Variants in DGCR8 observed in about 807,000 individuals in gnomAD.
The protein encoded by DGCR8 is DGCR8 microprocessor complex subunit.
DGCR8 carries 14 observed loss-of-function variants against 78.5 expected under a neutral mutation model. The ratio of observed to expected loss-of-function variants is 0.18; its 90% CI spans 0.12 to 0.28. The LOEUF (loss-of-function observed/expected upper bound fraction) is 0.28. Ranked by LOEUF, DGCR8 falls within the 10% of genes least tolerant of loss-of-function variation. The pLI is 1.00. For missense variants in DGCR8, 702 were observed against 1,022.5 expected (o/e 0.69, Z 4.28); for synonymous variants, 399 against 402.4 (o/e 0.99, Z 0.10).
chr22:20,080,598 C>T (rs1459768091), intron 1 of DGCR8: 4 of 596,228 alleles, frequency 6.7e-6, no homozygotes, highest in Non-Finnish European at 8.4e-6. Context: ...CGGGCCCAGG[C>T]GTTGCCGACT....
In DGCR8 at chr22:20,110,275, A is replaced by G. The variant is rs1602500691; in HGVS notation, c.*167A>G. 4 of 635,016 alleles carry G rather than the reference A, an allele frequency of 6.3e-6. No individual in the cohort carries two copies. The highest frequency in any genetic ancestry group is 1.1e-5 in the Non-Finnish European group (4 of 368,198). 39.3% of individuals were successfully genotyped at this position (635,016 alleles called of 1,614,324 possible). On this transcript the variant is annotated 3_prime_UTR_variant, in exon 14 of 14. Transcript: ENST00000351989. ...GAGGCTTTAGTGTACAGGGACAGCC[A>G]TGGCCACACAGCACACATGTGGAGC...
At chr22:20,091,147 C>T (rs188088430) in intron 5 of DGCR8, among the ~76,000 whole-genome samples, 75 of 152,330 alleles carry the variant, frequency 4.9e-4, no homozygotes, top group Middle Eastern at 3.4e-3. Context: ...GAGGAAGTCC[C>T]GAAGGCCATC....
intron 1 of DGCR8, among the ~76,000 whole-genome samples, chr22:20,081,191 C>A (rs2049414156): frequency 6.6e-6 from 1 of 152,208 alleles, no homozygotes; most frequent in Non-Finnish European, 1.5e-5. Flanking sequence ...CGGATGAGGT[C>A]ATACTGCCGC....
At chr22:20,101,209 T>A (rs1393852192) in intron 9 of DGCR8, 2 of 985,280 alleles carry the variant, frequency 2.0e-6, no homozygotes, top group Non-Finnish European at 2.4e-6. Flanking sequence ...GTTTTTATGA[T>A]GCCATGCCTT....
chr22:20,108,039 A>T (rs995221143), intron 12 of DGCR8: 1 of 154,104 alleles, frequency 6.5e-6, no homozygotes, highest in Non-Finnish European at 1.4e-5. Flanking sequence ...GGGCAGCCCT[A>T]GGACTGTGTG....
In DGCR8 at chr22:20,108,885, C is replaced by G; in HGVS notation, c.2125-5C>G. The G allele has an allele frequency of 2.6e-6, 4 of 1,520,500 alleles. No individual in the cohort carries two copies. The highest frequency in any genetic ancestry group is 3.6e-6 in the Non-Finnish European group (4 of 1,096,520). The allele number at this position is 1,520,500 out of a possible 1,614,324, so 94.2% of individuals were successfully genotyped here. ...GTCCTGAGCGTGAGGTGCTATACTT[C>G]CCAGGAGACATCGGACAAGAGTGTG... On this transcript the variant is annotated splice_region_variant and splice_polypyrimidine_tract_variant and intron_variant, in intron 12 of 13. Transcript: ENST00000351989.
chr22:20,106,516 C>G, intron 10 of DGCR8, 76 bp from the exon 11 acceptor site: 1 of 1,129,502 alleles, frequency 8.9e-7, no homozygotes, highest in Non-Finnish European at 1.3e-6. Context: ...CTAAGGGCTT[C>G]CCAGAGCAGG....
chr22:20,087,075 T>G lies in DGCR8; in HGVS notation c.721-87T>G, dbSNP rs1358651585. The G allele has an allele frequency of 6.7e-7, 1 of 1,502,944 alleles. No homozygotes were observed. Among genetic ancestry groups the G allele is most frequent in the Non-Finnish European group, 9.0e-7 (1 of 1,114,638 alleles). 93.1% of individuals were successfully genotyped at this position (1,502,944 alleles called of 1,614,324 possible). A position where few individuals can be genotyped will look rare whatever the true frequency, so the allele number is the denominator to read the frequency against. The stretch of plus-strand genomic sequence containing the variant: ...GCCCCCTGAGAGCACCTCCTTTCTG[T>G]GTCTGTTCTCAGGAATGCTGTTGAG... On this transcript the variant is annotated intron_variant, in intron 2 of 13. Transcript: ENST00000351989. This position sits in a 1 kb window ranked among gnomAD's most constrained non-coding sequence, Gnocchi z 4.1.
At position 20,085,140 on chromosome 22, in the gene DGCR8, C is replaced by A; in HGVS notation, c.-277-547C>A. ...CTGCATCACTGTCCCCGTCCACGTG[C>A]TACCCTGTGGGCCCAGGAGAGCCCT... On this transcript the variant is annotated intron_variant, in intron 1 of 13. Transcript: ENST00000351989. This position sits in a 1 kb window ranked among gnomAD's most constrained non-coding sequence, Gnocchi z 6.2. 1.3e-6 allele frequency: 1 copy of A among 741,698 alleles called. No individual in the cohort carries two copies. The highest frequency in any genetic ancestry group is 1.6e-6 in the Non-Finnish European group (1 of 607,018). 45.9% of individuals were successfully genotyped at this position (741,698 alleles called of 1,614,324 possible).
chr22:20,091,307 C>G, intron 5 of DGCR8, 128 bp from the exon 6 acceptor site: 1 of 881,780 alleles, frequency 1.1e-6, no homozygotes, highest in African/African-American at 1.7e-5. Context: ...TGCTTCCCTC[C>G]CCTTTGAAAG....
chr22:20,088,896 C>G (rs1001657229), intron 3 of DGCR8, among the ~76,000 whole-genome samples: 10 of 152,158 alleles, frequency 6.6e-5, no homozygotes, highest in Non-Finnish European at 2.9e-5. Flanking sequence ...GATCCTCCCA[C>G]CTCAGCTTCC....
At chr22:20,107,179 GGT>G (rs910881036) in intron 11 of DGCR8, 90 bp from the exon 12 acceptor site, 2 of 1,484,276 alleles carry the variant, frequency 1.3e-6, no homozygotes, top group African/African-American at 2.8e-5. Context: ...TGGCCCTCGG[GGT>G]GTGGGTCAGG....
In DGCR8 at chr22:20,107,046, GGTA is replaced by G. The variant is rs149617395; in HGVS notation, c.1997-222_1997-220del. On this transcript the variant is annotated intron_variant, in intron 11 of 13. Coordinates refer to ENST00000351989, the MANE Select transcript of DGCR8 (RefSeq NM_022720.7). ...GGCTCTCGGCTGCGTGGCTTTGAGT[GGTA>G]GTGTCCTCAGCTCCTAGACTCTGAG... The G allele has an allele frequency of 4.3e-3, 2,520 of 592,604 alleles. 51 individuals are homozygous for G. The highest frequency in any genetic ancestry group is 0.042 in the African/African-American group (2,261 of 53,854). The allele number at this position is 592,604 out of a possible 1,614,324, so 36.7% of individuals were successfully genotyped here. A position where few individuals can be genotyped will look rare whatever the true frequency, so the allele number is the denominator to read the frequency against.
At chr22:20,093,065 A>T (rs912638087) in intron 8 of DGCR8, among the ~76,000 whole-genome samples, 158 bp downstream of exon 8, 1 of 152,072 alleles carries the variant, frequency 6.6e-6, no homozygotes, top group African/African-American at 2.4e-5. Flanking sequence ...TTAAAATTAC[A>T]TGCTCATTGG....
rs757204745 is a variant in DGCR8, at chr22:20,106,203, C to T, written c.1815C>T (p.Asp605=). Residue 605 remains aspartate, a synonymous_variant, in exon 10 of 14, where the codon GAC becomes GAT. Coordinates refer to ENST00000351989, the MANE Select transcript of DGCR8 (RefSeq NM_022720.7). ...ATTTTAACCACATCAGCATCGAGGA[C>T]TCGCGGGTCTACGAGCTGACCAGCA... ...LEYFNHISIE[D]SRVYELTSKA... is the part of the protein sequence containing the mutation. 8.7e-6 allele frequency: 14 copies of T among 1,613,968 alleles called. No individual in the cohort carries two copies. In the South Asian group the frequency reaches 1.5e-4, roughly 18 times the overall value.
intron 1 of DGCR8, among the ~76,000 whole-genome samples, chr22:20,081,981 T>C (rs1311647448): frequency 6.6e-6 from 1 of 151,972 alleles, no homozygotes; most frequent in Non-Finnish European, 1.5e-5. Flanking sequence ...CTCTTTACTG[T>C]CACCTTAGGT....
Position 20,085,880 on chromosome 22 carries a change from C to T in DGCR8, c.-84C>T, listed in dbSNP as rs761787783. The stretch of plus-strand genomic sequence containing the variant: ...GCGGCAGGACGCGCCCGGGTCTCAG[C>T]GGACTTGTGCATGTTAGCTGTGTAG... On this transcript the variant is annotated 5_prime_UTR_variant, in exon 2 of 14. Coordinates refer to ENST00000351989, the MANE Select transcript of DGCR8 (RefSeq NM_022720.7). The surrounding 1 kb of genome is among the most constrained non-coding windows in gnomAD (Gnocchi z 6.2). The T allele has an allele frequency of 1.6e-5, 24 of 1,501,662 alleles. No homozygotes were observed. The highest frequency in any genetic ancestry group is 6.7e-5 in the South Asian group (5 of 75,140). 93.0% of individuals were successfully genotyped at this position (1,501,662 alleles called of 1,614,324 possible).
chr22:20,105,204 CTAG>C (rs2049755304), intron 9 of DGCR8, among the ~76,000 whole-genome samples: 8 of 152,214 alleles, frequency 5.3e-5, no homozygotes. Context: ...AGGGGCAGGG[CTAG>C]TAGTCCATAT....
rs937540026 is a variant in DGCR8 at position 20,089,571 on chromosome 22, C to T, written c.881-98C>T. 1 of 1,356,056 alleles carries T rather than the reference C, an allele frequency of 7.4e-7. No individual in the cohort carries two copies. Among genetic ancestry groups the T allele is most frequent in the Non-Finnish European group, 1.0e-6 (1 of 972,112 alleles). 84.0% of individuals were successfully genotyped at this position (1,356,056 alleles called of 1,614,324 possible). On this transcript the variant is annotated intron_variant, in intron 3 of 13. Coordinates refer to ENST00000351989, the MANE Select transcript of DGCR8 (RefSeq NM_022720.7). The surrounding 1 kb of genome is among the most constrained non-coding windows in gnomAD (Gnocchi z 4.9). ...TTATCTGTGAAGACCCAGTTAAACA[C>T]ATGCTAGTACCCAACAATTTCTTGT... is the stretch of plus-strand genomic sequence containing the variant.
Sources: allele counts gnomAD v4.1 joint callset (sites outside exome capture counted in the v4.1 genomes callset), GRCh38; gene constraint gnomAD v4.1.1; non-coding constraint Gnocchi (gnomAD v3.1); transcripts MANE v1.5; gene names NCBI Gene and HGNC (gene_info 2026-07-23, HGNC 2026-07-21).